CD2AP: variants seen among roughly 807,000 people sequenced by gnomAD.
The protein encoded by CD2AP is CD2 associated protein.
In CD2AP, 46 loss-of-function variants were observed where a neutral mutation model predicts 85.1. The ratio of observed to expected loss-of-function variants is 0.54; its 90% CI spans 0.43 to 0.69. The LOEUF (loss-of-function observed/expected upper bound fraction) is 0.69, where lower values mean the gene tolerates loss of function less well. CD2AP is among the 30% of genes least tolerant of loss of function. The probability of loss-of-function intolerance (pLI) is 0.00; values close to 1 mark genes in which losing one functional copy is unlikely to be tolerated. For synonymous variants in CD2AP, 255 were observed against 252.9 expected (o/e 1.01, Z -0.08); for missense variants, 769 against 729.5 (o/e 1.05, Z -0.62).
chr6:47,532,236 C>T (rs943284785), intron 2 of CD2AP, among the ~76,000 whole-genome samples: 5 of 151,138 alleles, frequency 3.3e-5, no homozygotes, highest in Non-Finnish European at 5.9e-5. Context: ...CCCAGTACTT[C>T]GGGAGGCAGG....
chr6:47,606,336 A>T (rs1301625054), intron 14 of CD2AP, 59 bp downstream of exon 14: 9 of 974,494 alleles, frequency 9.2e-6, no homozygotes, highest in Non-Finnish European at 1.5e-5. Flanking sequence ...AGTCCATTGG[A>T]AGATAGAGGA....
chr6:47,580,595 T>C (rs968235253), intron 9 of CD2AP, among the ~76,000 whole-genome samples: 2 of 152,184 alleles, frequency 1.3e-5, no homozygotes, highest in Non-Finnish European at 2.9e-5. Context: ...TTTTTGCTCA[T>C]TAAGATTTTT....
intron 2 of CD2AP, among the ~76,000 whole-genome samples, chr6:47,513,840 A>G (rs991408720): frequency 6.7e-6 from 1 of 148,366 alleles, no homozygotes; most frequent in African/African-American, 2.5e-5. Context: ...TCAAGTAATT[A>G]TACCAATTTA....
intron 5 of CD2AP, among the ~76,000 whole-genome samples, chr6:47,558,913 T>C (rs1020833961): frequency 6.6e-6 from 1 of 152,208 alleles, no homozygotes; most frequent in East Asian, 1.9e-4. Flanking sequence ...AGCTCCTCTT[T>C]GTACCTCTGG....
chr6:47,604,619 A>AG (rs1769222601), intron 13 of CD2AP, among the ~76,000 whole-genome samples: 1 of 152,052 alleles, frequency 6.6e-6, no homozygotes, highest in Non-Finnish European at 1.5e-5. Flanking sequence ...TGTAAAAGCA[A>AG]TTTTCACCCT....
intron 16 of CD2AP, among the ~76,000 whole-genome samples, chr6:47,610,845 C>A (rs1030364775): frequency 6.7e-6 from 1 of 150,284 alleles, no homozygotes; most frequent in Non-Finnish European, 1.5e-5. Context: ...TCTCCTGATT[C>A]GATTTTGTTG....
At chr6:47,611,604 TTTTTC>T (rs1769442942) in intron 16 of CD2AP, among the ~76,000 whole-genome samples, 1 of 151,872 alleles carries the variant, frequency 6.6e-6, no homozygotes, top group Non-Finnish European at 1.5e-5. Flanking sequence ...CTTCATGAAT[TTTTTC>T]TTTTTTACTT....
At chr6:47,509,440 A>G (rs1295149536) in intron 2 of CD2AP, among the ~76,000 whole-genome samples, 1 of 151,662 alleles carries the variant, frequency 6.6e-6, no homozygotes, top group Non-Finnish European at 1.5e-5. Context: ...CAATTTGTAA[A>G]AAAAAAAAAA....
chr6:47,509,760 A>G lies in CD2AP; in HGVS notation c.165+6320A>G, dbSNP rs184296431. 5.7e-4 allele frequency among the ~76,000 whole-genome samples: 87 copies of G among 152,338 alleles called. 1 individual carries two copies. Among genetic ancestry groups the G allele is most frequent in the Non-Finnish European group, 7.5e-4 (51 of 68,030 alleles). On this transcript the variant is annotated intron_variant, in intron 2 of 17. Coordinates refer to ENST00000359314, the MANE Select transcript of CD2AP (RefSeq NM_012120.3). ...GGCAGTGTGGTATTAGACAAATCAC[A>G]TAATTTCCCTGTTTTCTCCACTTTA...
chr6:47,626,190 C>T lies in CD2AP; in HGVS notation c.*1963C>T, dbSNP rs895903361. The stretch of plus-strand genomic sequence containing the variant: ...CTCAATAGTACATGAAATCAAGATG[C>T]TTATGAGCATGGAAATGTATTTAAA... On this transcript the variant is annotated 3_prime_UTR_variant, in exon 18 of 18. Coordinates refer to ENST00000359314, the MANE Select transcript of CD2AP (RefSeq NM_012120.3). 6.6e-6 allele frequency: 1 copy of T among 151,826 alleles called. No homozygotes were observed. 9.4% of individuals were successfully genotyped at this position (151,826 alleles called of 1,614,324 possible). A position where few individuals can be genotyped will look rare whatever the true frequency, so the allele number is the denominator to read the frequency against.
At chr6:47,540,190 AAAAG>A (rs1439865585) in intron 3 of CD2AP, among the ~76,000 whole-genome samples, 2 of 151,446 alleles carry the variant, frequency 1.3e-5, no homozygotes, top group African/African-American at 4.8e-5. Context: ...AAAAAAAAAA[AAAAG>A]AAAAAAGAAA....
chr6:47,620,926 G>A (rs1769728339), intron 17 of CD2AP, among the ~76,000 whole-genome samples: 1 of 152,196 alleles, frequency 6.6e-6, no homozygotes, highest in Admixed American at 6.5e-5. Context: ...TGTTTTATCA[G>A]TTCTAGGAGC....
intron 1 of CD2AP, among the ~76,000 whole-genome samples, chr6:47,478,781 G>A (rs1765375973): frequency 6.6e-6 from 1 of 152,076 alleles, no homozygotes; most frequent in Non-Finnish European, 1.5e-5. Flanking sequence ...GAAAGCTTGA[G>A]TATTTGTTTT....
At chr6:47,493,583 C>T (rs1265586475) in intron 1 of CD2AP, among the ~76,000 whole-genome samples, 4 of 151,726 alleles carry the variant, frequency 2.6e-5, no homozygotes, top group Middle Eastern at 3.4e-3. Context: ...CTTAGTTTTC[C>T]GGATGTGTGG....
chr6:47,575,249 A>C (rs1768274262), intron 6 of CD2AP, among the ~76,000 whole-genome samples: 1 of 152,208 alleles, frequency 6.6e-6, no homozygotes, highest in Non-Finnish European at 1.5e-5. Context: ...GGTGCTCTAT[A>C]GCCATGTAAC....
Position 47,626,622 on chromosome 6 carries a change from C to G in CD2AP, c.*2395C>G, listed in dbSNP as rs919170251. 22 of 152,346 alleles carry G rather than the reference C, an allele frequency of 1.4e-4. No individual in the cohort carries two copies. The highest frequency in any genetic ancestry group is 5.3e-4 in the African/African-American group (22 of 41,420). The allele number at this position is 152,346 out of a possible 1,614,324, so 9.4% of individuals were successfully genotyped here. ...TGACCACTAAGCTTCTGTCTTAATA[C>G]AAAGCTGTTACCTTCTACAGAATTT... On this transcript the variant is annotated 3_prime_UTR_variant, in exon 18 of 18. Transcript: ENST00000359314.
At chr6:47,579,623 G>A in intron 9 of CD2AP, 134 bp downstream of exon 9, 2 of 639,220 alleles carry the variant, frequency 3.1e-6, no homozygotes, top group South Asian at 1.9e-5. Context: ...TCAGGTAGGA[G>A]TTATTTGAGT....
rs1202043823 is a variant in CD2AP at position 47,542,512 on chromosome 6, GCT to G, written c.320-2090_320-2089del. On this transcript the variant is annotated intron_variant, in intron 3 of 17. Transcript: ENST00000359314. ...GAAATGAATAAGTCATGAGGGCTGT[GCT>G]CTCATGAATGGGTTAGTGCCTTATG... is the stretch of plus-strand genomic sequence containing the variant. Among the ~76,000 whole-genome samples the G allele has an allele frequency of 5.9e-5, 9 of 152,240 alleles. No individual in the cohort carries two copies. In the East Asian group the frequency reaches 1.7e-3, roughly 29 times the overall value.
At chr6:47,530,174 G>A (rs1215052863) in intron 2 of CD2AP, among the ~76,000 whole-genome samples, 1 of 152,172 alleles carries the variant, frequency 6.6e-6, no homozygotes, top group African/African-American at 2.4e-5. Flanking sequence ...TCTATTTATA[G>A]CATTTATCAT....
Sources: allele counts gnomAD v4.1 joint callset (sites outside exome capture counted in the v4.1 genomes callset), GRCh38; gene constraint gnomAD v4.1.1; transcripts MANE v1.5; gene names NCBI Gene and HGNC (gene_info 2026-07-23, HGNC 2026-07-21).